Variants in MYO5B observed in about 807,000 individuals in gnomAD.
The protein encoded by MYO5B is unconventional myosin-Vb.
A neutral mutation model predicts 229.3 loss-of-function variants in MYO5B; 143 were observed. That is an observed-to-expected ratio of 0.62 (90% confidence interval 0.54 to 0.72). The LOEUF (loss-of-function observed/expected upper bound fraction) is 0.72, where lower values mean the gene tolerates loss of function less well. Ranked by LOEUF, MYO5B falls within the 30% of genes least tolerant of loss-of-function variation. The probability of loss-of-function intolerance (pLI) is 0.00; values close to 1 mark genes in which losing one functional copy is unlikely to be tolerated. For missense variants in MYO5B, 2,321 were observed against 2,331.0 expected (o/e 1.00, Z 0.09); for synonymous variants, 918 against 885.2 (o/e 1.04, Z -0.66).
chr18:49,986,287 G>T (rs989083477), intron 7 of MYO5B, among the ~76,000 whole-genome samples: 1 of 151,982 alleles, frequency 6.6e-6, no homozygotes, highest in Non-Finnish European at 1.5e-5. Flanking sequence ...TTCCCACCTT[G>T]CATCCTATGC....
rs144816138 is a variant in MYO5B at position 49,922,871 on chromosome 18, C to T, written c.2090+6641G>A. ...AGTAAAAGACAGCTATCAGCTGCCC[C>T]TTAAGAGGCCAGGGGTTGTGGGCAT... On this transcript the variant is annotated intron_variant, in intron 17 of 39. Coordinates refer to ENST00000285039, the MANE Select transcript of MYO5B (RefSeq NM_001080467.3). 8.2e-3 allele frequency among the ~76,000 whole-genome samples: 1,243 copies of T among 152,300 alleles called. 6 individuals are homozygous for T. Among genetic ancestry groups the T allele is most frequent in the Middle Eastern group, 0.037 (11 of 294 alleles).
chr18:49,914,728 C>T (rs1438303793), intron 17 of MYO5B, among the ~76,000 whole-genome samples: 3 of 147,360 alleles, frequency 2.0e-5, no homozygotes, highest in African/African-American at 7.6e-5. Flanking sequence ...TGCAGTGAGC[C>T]GAGATCATGC....
intron 22 of MYO5B, among the ~76,000 whole-genome samples, chr18:49,887,439 C>T (rs2024656356): frequency 6.6e-6 from 1 of 152,002 alleles, no homozygotes; most frequent in Non-Finnish European, 1.5e-5. Context: ...AGCGTGAACT[C>T]AGTGAGGGAT....
chr18:50,104,046 C>G (rs939681103), intron 1 of MYO5B, among the ~76,000 whole-genome samples: 6 of 148,786 alleles, frequency 4.0e-5, no homozygotes, highest in Non-Finnish European at 5.9e-5. Context: ...CACCTACAGT[C>G]CTAGCTACTC....
chr18:49,981,337 C>T (rs922272953), intron 8 of MYO5B, among the ~76,000 whole-genome samples: 2 of 152,230 alleles, frequency 1.3e-5, no homozygotes, highest in African/African-American at 4.8e-5. Context: ...CAGCTGCTCT[C>T]CCCATTCCTC....
At chr18:50,112,429 A>C (rs1461103789) in intron 1 of MYO5B, among the ~76,000 whole-genome samples, 1 of 152,210 alleles carries the variant, frequency 6.6e-6, no homozygotes, top group Non-Finnish European at 1.5e-5. Context: ...CAAGAGGCAA[A>C]GGCAAGGCTC....
At chr18:49,971,582 C>G (rs1598921490) in intron 10 of MYO5B, among the ~76,000 whole-genome samples, 1 of 152,220 alleles carries the variant, frequency 6.6e-6, no homozygotes, top group East Asian at 1.9e-4. Flanking sequence ...CCTAAGAGTT[C>G]TCCTAAGAGT....
At position 49,866,753 on chromosome 18, in the gene MYO5B, C is replaced by T. The variant is rs890181971; in HGVS notation, c.3604-2373G>A. On this transcript the variant is annotated intron_variant, in intron 27 of 39. Coordinates refer to ENST00000285039, the MANE Select transcript of MYO5B (RefSeq NM_001080467.3). ...CTAGGTGCTGCAGGCACAACACCTG[C>T]TTAGAACCTATCAATTACACTAAAG... Among the ~76,000 whole-genome samples the T allele has an allele frequency of 2.4e-4, 36 of 152,204 alleles. 1 individual carries two copies. The highest frequency in any genetic ancestry group is 2.0e-3 in the Admixed American group (30 of 15,286).
chr18:50,111,442 A>G (rs1170184967), intron 1 of MYO5B, among the ~76,000 whole-genome samples: 1 of 152,218 alleles, frequency 6.6e-6, no homozygotes, highest in Admixed American at 6.5e-5. Flanking sequence ...GTAGGCAGAA[A>G]AACAGATCCT....
At chr18:49,857,139 C>T (rs758396563) in intron 29 of MYO5B, among the ~76,000 whole-genome samples, 61 of 152,206 alleles carry the variant, frequency 4.0e-4, no homozygotes, top group Admixed American at 3.7e-3. Context: ...TGCTAATAAC[C>T]CCAGGTGGGA....
chr18:49,845,553 A>G lies in MYO5B; in HGVS notation c.4459+1593T>C, dbSNP rs1421922869. On this transcript the variant is annotated intron_variant, in intron 33 of 39. Coordinates refer to ENST00000285039, the MANE Select transcript of MYO5B (RefSeq NM_001080467.3). ...GCCTCACATTTGAGAAGGGTTTTGC[A>G]GTTTTAACACAGCATTTCGCCTTTG... Among the ~76,000 whole-genome samples the G allele has an allele frequency of 3.3e-5, 5 of 152,230 alleles. No homozygotes were observed. In the East Asian group the frequency reaches 9.6e-4, roughly 29 times the overall value.
chr18:50,088,282 G>T (rs1408938841), intron 1 of MYO5B, among the ~76,000 whole-genome samples: 1 of 152,180 alleles, frequency 6.6e-6, no homozygotes, highest in African/African-American at 2.4e-5. Context: ...GCTACTGAAA[G>T]TTTCCGAAAC....
intron 14 of MYO5B, among the ~76,000 whole-genome samples, chr18:49,949,196 T>C (rs17715196): frequency 0.096 from 14,622 of 152,276 alleles, 842 homozygotes; most frequent in Middle Eastern, 0.21. Context: ...ACCCACAGCT[T>C]GTCCCTCTGA....
intron 4 of MYO5B, among the ~76,000 whole-genome samples, chr18:50,018,290 A>ATTTTT (rs5824818): frequency 0.25 from 37,322 of 146,532 alleles, 5,345 homozygotes; most frequent in East Asian, 0.36. Context: ...ACATATACCC[A>ATTTTT]TTTTTTTTTT....
At chr18:50,123,922 A>G (rs899190513) in intron 1 of MYO5B, among the ~76,000 whole-genome samples, 8 of 152,194 alleles carry the variant, frequency 5.3e-5, no homozygotes, top group Non-Finnish European at 7.3e-5. Context: ...CGATACACAC[A>G]CAGATACATG....
intron 23 of MYO5B, among the ~76,000 whole-genome samples, 190 bp downstream of exon 23, chr18:49,880,181 C>T (rs1301626216): frequency 6.6e-5 from 10 of 152,170 alleles, no homozygotes; most frequent in Non-Finnish European, 1.3e-4. Context: ...CGTGTCTCAC[C>T]TCTTTACACT....
chr18:50,126,393 G>A (rs1341022570), intron 1 of MYO5B: 1 of 154,714 alleles, frequency 6.5e-6, no homozygotes, highest in Admixed American at 6.5e-5. Context: ...TTCCACTGGG[G>A]AGACACATCA....
At chr18:50,153,601 C>T (rs2032633635) in intron 1 of MYO5B, among the ~76,000 whole-genome samples, 1 of 152,160 alleles carries the variant, frequency 6.6e-6, no homozygotes, top group Admixed American at 6.5e-5. Flanking sequence ...AGGTGCATGC[C>T]ACCACGCCTG....
chr18:50,155,109 G>C (rs1290857146), intron 1 of MYO5B, among the ~76,000 whole-genome samples: 1 of 152,140 alleles, frequency 6.6e-6, no homozygotes, highest in Non-Finnish European at 1.5e-5. Context: ...AAATTTATAT[G>C]GGTTCACATA....
Sources: allele counts gnomAD v4.1 joint callset (sites outside exome capture counted in the v4.1 genomes callset), GRCh38; gene constraint gnomAD v4.1.1; transcripts MANE v1.5; gene names NCBI Gene and HGNC (gene_info 2026-07-23, HGNC 2026-07-21).